Variants in ROR2 observed in about 807,000 individuals in gnomAD.
ROR2 encodes tyrosine-protein kinase transmembrane receptor ROR2.
ROR2 carries 33 observed loss-of-function variants against 74.9 expected under a neutral mutation model. The ratio of observed to expected loss-of-function variants is 0.44; its 90% confidence interval spans 0.33 to 0.59. The LOEUF is 0.59. Among genes scored for constraint, ROR2 ranks in the 20% least tolerant of loss-of-function variants. ROR2 has a pLI of 0.02. For synonymous variants in ROR2, 586 were observed against 558.7 expected (o/e 1.05, Z -0.69); for missense variants, 1,216 against 1,313.8 (o/e 0.93, Z 1.15).
intron 4 of ROR2, 75 bp from the exon 5 acceptor site, chr9:91,737,593 A>G: frequency 6.2e-7 from 1 of 1,606,086 alleles, no homozygotes; most frequent in African/African-American, 1.3e-5. Context: ...TTTATGATCC[A>G]GCATCTTGCG....
At chr9:91,830,305 C>T (rs1014865687) in intron 1 of ROR2, among the ~76,000 whole-genome samples, 3 of 152,026 alleles carry the variant, frequency 2.0e-5, no homozygotes, top group South Asian at 2.1e-4. Context: ...TCTCTACAAA[C>T]GATAAAAATT....
rs775823582 is a variant in ROR2 at position 91,927,562 on chromosome 9, C to CTTTTTTTTTTTTTTTTTTTT, written c.97+22285_97+22304dup. Among the ~76,000 whole-genome samples, 27 of 94,946 alleles carry CTTTTTTTTTTTTTTTTTTTT rather than the reference C, an allele frequency of 2.8e-4. 6 individuals are homozygous for CTTTTTTTTTTTTTTTTTTTT. Among genetic ancestry groups the CTTTTTTTTTTTTTTTTTTTT allele is most frequent in the Non-Finnish European group, 3.4e-4 (17 of 50,502 alleles). 62.3% of individuals were successfully genotyped at this position (94,946 alleles called of 152,430 possible). ...TGGCTGGCTCTGTGTTTTCTAGATT[C>CTTTTTTTTTTTTTTTTTTTT]TTTTTTTTTTTTTTTTTTTTTGAGA... On this transcript the variant is annotated intron_variant, in intron 1 of 8. Coordinates refer to ENST00000375708, the MANE Select transcript of ROR2 (RefSeq NM_004560.4).
intron 8 of ROR2, among the ~76,000 whole-genome samples, chr9:91,725,468 G>A (rs760920317): frequency 1.3e-5 from 2 of 152,150 alleles, no homozygotes; most frequent in Non-Finnish European, 1.5e-5. Flanking sequence ...CCCTGGGGCT[G>A]CCCCGGACAT....
intron 4 of ROR2, among the ~76,000 whole-genome samples, chr9:91,745,340 G>A (rs1363977398): frequency 6.6e-6 from 1 of 151,280 alleles, no homozygotes; most frequent in African/African-American, 2.4e-5. Context: ...GGTCAGGCTG[G>A]TCTCAAACTC....
At chr9:91,878,342 T>A (rs1013994261) in intron 1 of ROR2, among the ~76,000 whole-genome samples, 2 of 152,202 alleles carry the variant, frequency 1.3e-5, no homozygotes, top group African/African-American at 2.4e-5. Context: ...CTGGTGAGGA[T>A]GATTCACCCC....
intron 1 of ROR2, among the ~76,000 whole-genome samples, chr9:91,924,968 C>T (rs1401792174): frequency 6.6e-6 from 1 of 151,988 alleles, no homozygotes; most frequent in Admixed American, 6.6e-5. Flanking sequence ...CTTTAGCCTC[C>T]CAAGTAGCTG....
At chr9:91,796,247 G>A (rs939977443) in intron 1 of ROR2, among the ~76,000 whole-genome samples, 1 of 151,952 alleles carries the variant, frequency 6.6e-6, no homozygotes, top group Non-Finnish European at 1.5e-5. Context: ...TTTGAGACCA[G>A]CTTGGGCAAC....
chr9:91,736,448 G>A (rs1825028302), intron 5 of ROR2, among the ~76,000 whole-genome samples: 1 of 152,132 alleles, frequency 6.6e-6, no homozygotes, highest in Non-Finnish European at 1.5e-5. Flanking sequence ...ACTCTCCCAG[G>A]AGCGCAGGCA....
chr9:91,928,099 A>G (rs1481500350), intron 1 of ROR2, among the ~76,000 whole-genome samples: 3 of 151,818 alleles, frequency 2.0e-5, no homozygotes, highest in African/African-American at 7.3e-5. Flanking sequence ...CATCACACTC[A>G]CCTGCCACCA....
chr9:91,893,531 T>G (rs1215146492), intron 1 of ROR2, among the ~76,000 whole-genome samples: 1 of 152,168 alleles, frequency 6.6e-6, no homozygotes, highest in Non-Finnish European at 1.5e-5. Flanking sequence ...CACGGCAGGC[T>G]GGTGACTCTC....
At chr9:91,910,381 A>G (rs1830945239) in intron 1 of ROR2, among the ~76,000 whole-genome samples, 1 of 152,198 alleles carries the variant, frequency 6.6e-6, no homozygotes, top group African/African-American at 2.4e-5. Context: ...AATATCTTTG[A>G]GACTTACTAA....
chr9:91,790,504 G>A (rs1291502592), intron 1 of ROR2, among the ~76,000 whole-genome samples: 2 of 142,368 alleles, frequency 1.4e-5, no homozygotes, highest in Admixed American at 1.5e-4. Flanking sequence ...GCGAGACTCC[G>A]TCTCAATTAA....
chr9:91,733,228 G>A lies in ROR2; in HGVS notation c.831C>T (p.Ile277=). 6.2e-7 allele frequency: 1 copy of A among 1,612,772 alleles called. No individual in the cohort carries two copies. Among genetic ancestry groups the A allele is most frequent in the Non-Finnish European group, 8.5e-7 (1 of 1,179,718 alleles). ...ACTTGGGCAGCTGAAGCCGCATGAG[G>A]ATGAGCGGGTTGGAGCGGGCGATGG... The part of the protein sequence containing the change: ...EYTIARSNPL[I]LMRLQLPKCE... The change falls in exon 6 of 9, where the codon ATC becomes ATT. Residue 277 remains isoleucine (I), a synonymous_variant. Coordinates refer to ENST00000375708, the MANE Select transcript of ROR2 (RefSeq NM_004560.4). The surrounding 1 kb of genome is among the most constrained non-coding windows in gnomAD (Gnocchi z 5.7).
rs567744796 is a variant in ROR2, at chr9:91,808,807, T to A, written c.98-32989A>T. Among the ~76,000 whole-genome samples the A allele has an allele frequency of 6.4e-4, 96 of 150,372 alleles. 1 individual carries two copies. The East Asian group carries it at 9.3e-3, about 15-fold the overall frequency. ...CTAAAAATATAAAAAATATACATAT[T>A]TTTTTTTACTAAAAATATAAAAAAT... On this transcript the variant is annotated intron_variant, in intron 1 of 8. Transcript: ENST00000375708.
chr9:91,910,807 G>C (rs953140997), intron 1 of ROR2, among the ~76,000 whole-genome samples: 1 of 152,074 alleles, frequency 6.6e-6, no homozygotes, highest in African/African-American at 2.4e-5. Context: ...GAGATTAGAG[G>C]CGTGTACCAC....
intron 1 of ROR2, among the ~76,000 whole-genome samples, chr9:91,949,271 A>G (rs1001834130): frequency 6.6e-6 from 1 of 151,626 alleles, no homozygotes; most frequent in Non-Finnish European, 1.5e-5. Context: ...AAGGGATGCC[A>G]AAGAGCCCGT....
intron 4 of ROR2, among the ~76,000 whole-genome samples, chr9:91,745,157 C>T (rs1173416010): frequency 2.0e-5 from 3 of 151,564 alleles, no homozygotes; most frequent in African/African-American, 7.3e-5. Context: ...CGAAGTCTCG[C>T]TCTTTTTGCC....
rs566838534 is a variant in ROR2, at chr9:91,758,070, C to A, written c.176-511G>T. On this transcript the variant is annotated intron_variant, in intron 2 of 8. Coordinates refer to ENST00000375708, the MANE Select transcript of ROR2 (RefSeq NM_004560.4). ...ATCACCAACAAAAAGCCCAAATATG[C>A]AAGAAACTTGGCACTAAATAGACCA... 5.9e-5 allele frequency among the ~76,000 whole-genome samples: 9 copies of A among 152,274 alleles called. No individual in the cohort carries two copies. In the South Asian group the frequency reaches 1.5e-3, roughly 25 times the overall value.
intron 1 of ROR2, among the ~76,000 whole-genome samples, chr9:91,839,369 G>A (rs2119211327): frequency 6.6e-6 from 1 of 151,182 alleles, no homozygotes; most frequent in East Asian, 2.0e-4. Flanking sequence ...TGTGTATATG[G>A]TGTATGTGTG....
Sources: allele counts gnomAD v4.1 joint callset (sites outside exome capture counted in the v4.1 genomes callset), GRCh38; gene constraint gnomAD v4.1.1; non-coding constraint Gnocchi (gnomAD v3.1); transcripts MANE v1.5; gene names NCBI Gene and HGNC (gene_info 2026-07-23, HGNC 2026-07-21).